The following PPFIA1 variants were observed in gnomAD, a reference collection of about 807,000 sequenced individuals.
The protein encoded by PPFIA1 is liprin-alpha-1.
PPFIA1 carries 25 observed loss-of-function variants against 149.9 expected under a neutral mutation model. The ratio of observed to expected loss-of-function variants is 0.17; its 90% CI spans 0.12 to 0.23. PPFIA1 has a LOEUF of 0.23. PPFIA1 is among the 10% of genes least tolerant of loss of function. The pLI is 1.00. For missense variants in PPFIA1, 1,362 were observed against 1,506.5 expected (o/e 0.90, Z 1.59); for synonymous variants, 549 against 552.8 (o/e 0.99, Z 0.10).
Position 70,372,486 on chromosome 11 carries a change from C to T in PPFIA1, c.3051C>T (p.Phe1017=), listed in dbSNP as rs372415022. Residue 1017 remains phenylalanine, a synonymous_variant, in exon 23 of 28, where the codon TTC becomes TTT. Transcript: ENST00000253925. ...KMVDSFHRNS[F]QCGIMCLRRL... ...CTTTTCTTCCAAATAGAAACAGTTT[C>T]CAGTGTGGAATTATGTGCCTGAGAA... 1.5e-5 allele frequency: 24 copies of T among 1,613,594 alleles called. No individual in the cohort carries two copies. Among genetic ancestry groups the T allele is most frequent in the Non-Finnish European group, 2.0e-5 (24 of 1,179,742 alleles).
chr11:70,363,498 C>CATTT lies in PPFIA1; in HGVS notation c.2865+1024_2865+1027dup, dbSNP rs765208556. Reference sequence around the variant, plus strand: ...CTCTTCCAGGCTTCTTAGAAGCACCCATTTATTTATTTATTTAAGTTTTTT... The same window carrying CATTT: ...CTCTTCCAGGCTTCTTAGAAGCACCCATTTATTTATTTATTTATTTAAGTTTTTT... On this transcript the variant is annotated intron_variant, in intron 21 of 27. Transcript: ENST00000253925. The CATTT allele has an allele frequency of 3.3e-5, 5 of 152,136 alleles. No homozygotes were observed. The East Asian group carries it at 7.7e-4, about 23-fold the overall frequency. 9.4% of individuals were successfully genotyped at this position (152,136 alleles called of 1,614,324 possible). A position where few individuals can be genotyped will look rare whatever the true frequency, so the allele number is the denominator to read the frequency against.
chr11:70,376,442 T>C (rs2057494928), intron 24 of PPFIA1, 90 bp from the exon 25 acceptor site: 16 of 1,303,760 alleles, frequency 1.2e-5, no homozygotes, highest in Non-Finnish European at 1.8e-5. Flanking sequence ...TGAGGGAGTT[T>C]AAGTCTTGGT....
intron 7 of PPFIA1, among the ~76,000 whole-genome samples, chr11:70,328,187 C>T (rs1234153033): frequency 6.6e-6 from 1 of 152,060 alleles, no homozygotes; most frequent in East Asian, 1.9e-4. Flanking sequence ...CACCCAGGTA[C>T]CAAGCCTAGT....
chr11:70,371,340 G>C, intron 21 of PPFIA1: 3 of 81,024 alleles, frequency 3.7e-5, no homozygotes, highest in Non-Finnish European at 2.8e-5. Context: ...TCTGTTGTTG[G>C]GTGGCATGTT....
Position 70,382,092 on chromosome 11 carries a change from T to G in PPFIA1, c.3555T>G (p.Asn1185Lys), listed in dbSNP as rs144523703. Reference protein sequence around the residue: ...MQPKKMQMDGNVSGTQRLDSA... With the variant: ...MQPKKMQMDGKVSGTQRLDSA... ...CTCTCGTGGCTGTTGAAACAGGCAA[T>G]GTATCAGGAACACAGAGGTTGGATT... The change falls in exon 27 of 28, where the codon AAT becomes AAG. Residue 1185 changes from asparagine to lysine, a missense_variant. Around this residue, in one of 7 missense-constraint regions of PPFIA1, gnomAD observed 349 missense variants for 373.3 expected, o/e 0.93. Coordinates refer to ENST00000253925, the MANE Select transcript of PPFIA1 (RefSeq NM_003626.5). 1.2e-6 allele frequency: 2 copies of G among 1,614,090 alleles called. No individual in the cohort carries two copies. The highest frequency in any genetic ancestry group is 2.7e-5 in the African/African-American group (2 of 75,046).
At chr11:70,295,828 GCTC>G (rs1326822014) in intron 2 of PPFIA1, among the ~76,000 whole-genome samples, 2 of 150,916 alleles carry the variant, frequency 1.3e-5, no homozygotes, top group Non-Finnish European at 3.0e-5. Flanking sequence ...GGGCGGAGAC[GCTC>G]CTCACTTCCC....
At chr11:70,354,939 CT>C (rs1309422875) in intron 17 of PPFIA1, among the ~76,000 whole-genome samples, 2 of 151,472 alleles carry the variant, frequency 1.3e-5, no homozygotes, top group Non-Finnish European at 2.9e-5. Context: ...TCTATGCTAT[CT>C]TTTTTTTTCT....
chr11:70,308,410 T>TTTATGA (rs2053021284), intron 2 of PPFIA1, among the ~76,000 whole-genome samples: 1 of 152,194 alleles, frequency 6.6e-6, no homozygotes, highest in Admixed American at 6.5e-5. Flanking sequence ...TTGAAGACAG[T>TTTATGA]TTATGATTCA....
At chr11:70,284,952 C>G (rs765321847) in intron 2 of PPFIA1, among the ~76,000 whole-genome samples, 1 of 151,912 alleles carries the variant, frequency 6.6e-6, no homozygotes, top group Non-Finnish European at 1.5e-5. Flanking sequence ...ATCGTGGCCT[C>G]AGGGGAGGGA....
chr11:70,355,478 C>T (rs979974322), intron 17 of PPFIA1, among the ~76,000 whole-genome samples, 161 bp from the exon 18 acceptor site: 2 of 152,140 alleles, frequency 1.3e-5, no homozygotes, highest in African/African-American at 2.4e-5. Context: ...TGGGTCTCCG[C>T]GCTGGCCTCG....
chr11:70,346,461 T>C (rs1037614881), intron 15 of PPFIA1, among the ~76,000 whole-genome samples: 2 of 152,098 alleles, frequency 1.3e-5, no homozygotes, highest in Admixed American at 6.5e-5. Context: ...AAAATAGGGC[T>C]GTACATTCTG....
At chr11:70,376,786 C>A (rs1357985409) in intron 25 of PPFIA1, among the ~76,000 whole-genome samples, 186 bp downstream of exon 25, 2 of 152,122 alleles carry the variant, frequency 1.3e-5, no homozygotes, top group African/African-American at 4.8e-5. Context: ...AAAACTAATA[C>A]CTGGGCCGGG....
rs2057310048 is a variant in PPFIA1 at position 70,372,408 on chromosome 11, G to C, written c.3041+18G>C. 1 of 1,613,862 alleles carries C rather than the reference G, an allele frequency of 6.2e-7. No homozygotes were observed. The highest frequency in any genetic ancestry group is 8.5e-7 in the Non-Finnish European group (1 of 1,179,824). On this transcript the variant is annotated intron_variant, in intron 22 of 27. Transcript: ENST00000253925. The stretch of plus-strand genomic sequence containing the variant: ...TTTCACAGGTAACTTAATGGAGATA[G>C]TTCTTAATAATTGGCTAAGATTTTT...
chr11:70,362,484 G>T lies in PPFIA1; in HGVS notation c.2861G>T (p.Arg954Ile). ...AGCCCGTCTGCCCCGCCCACATCTA[G>T]AACGGTACGTTCAGAGACAACCCCT... ...LTSPSAPPTS[R>I]TTLAYGDMNH... Residue 954 changes from arginine (R) to isoleucine (I), a missense_variant, in exon 21 of 28, where the codon AGA becomes ATA. Physicochemically the swap from Arg to Ile is moderately conservative, Grantham distance 97 (BLOSUM62 -3). Around this residue, in one of 7 missense-constraint regions of PPFIA1, gnomAD observed 349 missense variants for 373.3 expected, o/e 0.93. Transcript: ENST00000253925. The T allele has an allele frequency of 1.9e-6, 3 of 1,606,788 alleles. No individual in the cohort carries two copies. The highest frequency in any genetic ancestry group is 2.6e-6 in the Non-Finnish European group (3 of 1,175,944).
chr11:70,316,234 G>C lies in PPFIA1; in HGVS notation c.265-8168G>C, dbSNP rs2053620018. Reference sequence around the variant, plus strand: ...TTACAGGCATGCACCACCACGCCTGGCTAATTTTTGTATTTTTAGTAGAGA... The same window carrying C: ...TTACAGGCATGCACCACCACGCCTGCCTAATTTTTGTATTTTTAGTAGAGA... On this transcript the variant is annotated intron_variant, in intron 2 of 27. Coordinates refer to ENST00000253925, the MANE Select transcript of PPFIA1 (RefSeq NM_003626.5). Among the ~76,000 whole-genome samples, 5 of 152,132 alleles carry C rather than the reference G, an allele frequency of 3.3e-5. No individual in the cohort carries two copies. The South Asian group carries it at 1.0e-3, about 32-fold the overall frequency.
chr11:70,329,603 T>C (rs534588183), intron 7 of PPFIA1, among the ~76,000 whole-genome samples: 4 of 152,254 alleles, frequency 2.6e-5, no homozygotes, highest in African/African-American at 9.6e-5. Context: ...CGTGCCACCA[T>C]GCGTGGCTAA....
At chr11:70,332,667 A>T (rs919527150) in intron 9 of PPFIA1, among the ~76,000 whole-genome samples, 1 of 152,260 alleles carries the variant, frequency 6.6e-6, no homozygotes, top group African/African-American at 2.4e-5. Context: ...AAGCAGCTAA[A>T]GAGGCAAATG....
intron 2 of PPFIA1, among the ~76,000 whole-genome samples, chr11:70,309,343 T>C (rs527711409): frequency 2.6e-5 from 4 of 152,162 alleles, no homozygotes; most frequent in Middle Eastern, 3.2e-3. Context: ...CTAATTTGTA[T>C]TTTTAGTAGA....
intron 16 of PPFIA1, chr11:70,350,120 A>G (rs1296408297): frequency 3.0e-6 from 1 of 332,452 alleles, no homozygotes; most frequent in Admixed American, 4.8e-5. Flanking sequence ...TTTTTTTCTC[A>G]GTTAAAAGTA....
Sources: gnomAD v4.1 joint callset for allele counts (sites outside exome capture counted in the v4.1 genomes callset) on GRCh38, gnomAD v4.1.1 for gene constraint, gnomAD v4.1.1 regional missense constraint, MANE v1.5 for transcripts, NCBI Gene and HGNC (gene_info 2026-07-23, HGNC 2026-07-21) for gene names.